The following MLLT10 variants were observed in gnomAD, a reference collection of about 807,000 sequenced individuals.
MLLT10 encodes the protein protein AF-10.
Under a neutral mutation model 129.1 loss-of-function variants are expected in MLLT10, and 30 were observed. The observed-to-expected ratio is 0.23, with a 90% CI of 0.17 to 0.32. MLLT10 has a LOEUF of 0.32. MLLT10 is among the 10% of genes least tolerant of loss of function. MLLT10 has a pLI of 1.00. For missense variants in MLLT10, 1,119 were observed against 1,268.3 expected, an observed-to-expected ratio of 0.88 and a Z score of 1.79; for synonymous variants, 490 against 446.4, an observed-to-expected ratio of 1.10 and a Z score of -1.23.
At position 21,641,021 on chromosome 10, in the gene MLLT10, G is replaced by A. The variant is rs1589384562; in HGVS notation, c.700-10652G>A. Among the ~76,000 whole-genome samples, 5 of 152,226 alleles carry A rather than the reference G, an allele frequency of 3.3e-5. 1 individual carries two copies. Among genetic ancestry groups the A allele is most frequent in the Admixed American group, 1.3e-4 (2 of 15,288 alleles). ...GAATCAGTGTGGATACTAGAAATTT[G>A]GGGCTATTAAGGACCAGGCCTAGAG... On this transcript the variant is annotated intron_variant, in intron 8 of 22. Coordinates refer to ENST00000307729, the MANE Select transcript of MLLT10 (RefSeq NM_001195626.3).
chr10:21,539,861 C>G (rs1263023182), intron 3 of MLLT10, among the ~76,000 whole-genome samples: 1 of 151,922 alleles, frequency 6.6e-6, no homozygotes, highest in Non-Finnish European at 1.5e-5. Context: ...AGGAGAATGG[C>G]GTGAACCTGG....
At chr10:21,612,515 G>A in intron 6 of MLLT10, 64 bp downstream of exon 6, 1 of 970,160 alleles carries the variant, frequency 1.0e-6, no homozygotes, top group East Asian at 2.6e-5. Flanking sequence ...ACAATCATAA[G>A]TTAAAGACTT....
At chr10:21,638,939 C>T (rs1212564521) in intron 8 of MLLT10, among the ~76,000 whole-genome samples, 4 of 152,156 alleles carry the variant, frequency 2.6e-5, no homozygotes, top group African/African-American at 9.7e-5. Flanking sequence ...GCTTAGCCTA[C>T]AGCCACCTCT....
At chr10:21,637,134 T>C (rs974572973) in intron 8 of MLLT10, among the ~76,000 whole-genome samples, 15 of 152,190 alleles carry the variant, frequency 9.9e-5, no homozygotes, top group African/African-American at 2.7e-4. Flanking sequence ...GGAGGCTTTT[T>C]TGCCAGAGGA....
intron 3 of MLLT10, among the ~76,000 whole-genome samples, chr10:21,565,498 G>A (rs1443992669): frequency 4.6e-5 from 7 of 151,812 alleles, no homozygotes; most frequent in African/African-American, 9.7e-5. Context: ...TAGTAGAGAC[G>A]GGGTTTCACT....
At chr10:21,564,219 G>C (rs576054350) in intron 3 of MLLT10, among the ~76,000 whole-genome samples, 1 of 152,244 alleles carries the variant, frequency 6.6e-6, no homozygotes, top group African/African-American at 2.4e-5. Flanking sequence ...GCGTAGCTGG[G>C]ACTATGGGTG....
intron 2 of MLLT10, among the ~76,000 whole-genome samples, chr10:21,535,848 A>C (rs924216072): frequency 6.6e-6 from 1 of 152,250 alleles, no homozygotes; most frequent in Admixed American, 6.5e-5. Context: ...CGAATGTCAC[A>C]CTTGGAAAGG....
At chr10:21,557,269 T>C in intron 3 of MLLT10, 2 of 828,576 alleles carry the variant, frequency 2.4e-6, no homozygotes, top group Non-Finnish European at 3.1e-6. Context: ...TTATGAAATC[T>C]GTATTTGATA....
At chr10:21,710,884 A>G (rs1023088647) in intron 13 of MLLT10, among the ~76,000 whole-genome samples, 1 of 152,234 alleles carries the variant, frequency 6.6e-6, no homozygotes, top group Non-Finnish European at 1.5e-5. Flanking sequence ...CAGTAACCAA[A>G]CACTGCTTTC....
chr10:21,710,428 A>C (rs2055965336), intron 13 of MLLT10, among the ~76,000 whole-genome samples: 1 of 152,204 alleles, frequency 6.6e-6, no homozygotes, highest in Non-Finnish European at 1.5e-5. Flanking sequence ...TTTTCAAGAG[A>C]TATTAGGCAT....
chr10:21,593,760 C>T (rs2042733300), intron 4 of MLLT10, among the ~76,000 whole-genome samples: 1 of 151,446 alleles, frequency 6.6e-6, no homozygotes, highest in Non-Finnish European at 1.5e-5. Context: ...AACATGGTCT[C>T]TACTAAAAAT....
rs143172883 is a variant in MLLT10 at position 21,714,528 on chromosome 10, A to G, written c.1878+578A>G. Among the ~76,000 whole-genome samples, 60 of 152,182 alleles carry G rather than the reference A, an allele frequency of 3.9e-4. No individual in the cohort carries two copies. In the East Asian group the frequency reaches 0.011, roughly 28 times the overall value. ...TGTAGTTTGATAGGTGACCTAGTCT[A>G]TAGGATTTTTTTGTTTTTGTTTGAG... is the stretch of plus-strand genomic sequence containing the variant. On this transcript the variant is annotated intron_variant, in intron 14 of 22. Coordinates refer to ENST00000307729, the MANE Select transcript of MLLT10 (RefSeq NM_001195626.3).
chr10:21,692,870 T>C (rs535621862), intron 13 of MLLT10, among the ~76,000 whole-genome samples: 3 of 152,324 alleles, frequency 2.0e-5, no homozygotes, highest in African/African-American at 2.4e-5. Context: ...GCCATTCTTT[T>C]ATGTTTTTAT....
intron 3 of MLLT10, among the ~76,000 whole-genome samples, chr10:21,554,416 T>C (rs1336458470): frequency 6.6e-6 from 1 of 152,046 alleles, no homozygotes; most frequent in African/African-American, 2.4e-5. Flanking sequence ...AGAGTTGGGA[T>C]TATGGGCGTG....
rs774636255 is a variant in MLLT10 at position 21,620,407 on chromosome 10, C to CAA, written c.699+3200_699+3201insAA. 2.6e-5 allele frequency among the ~76,000 whole-genome samples: 4 copies of CAA among 152,250 alleles called. No individual in the cohort carries two copies. The East Asian group carries it at 7.7e-4, about 29-fold the overall frequency. ...TTTAGACTGTACACTGGTATGAAAACTATGCATTTATTGTGCTTCTAGATT... is the reference window on the plus strand; with the variant it reads ...TTTAGACTGTACACTGGTATGAAAACAATATGCATTTATTGTGCTTCTAGATT... On this transcript the variant is annotated intron_variant, in intron 8 of 22. Transcript: ENST00000307729.
intron 14 of MLLT10, among the ~76,000 whole-genome samples, chr10:21,715,014 C>G (rs1456844318): frequency 6.6e-6 from 1 of 151,534 alleles, no homozygotes; most frequent in Non-Finnish European, 1.5e-5. Flanking sequence ...ATTTTCATTT[C>G]TCCAAAGCTC....
intron 5 of MLLT10, among the ~76,000 whole-genome samples, chr10:21,598,530 G>A (rs1430543100): frequency 1.3e-5 from 2 of 152,178 alleles, no homozygotes; most frequent in African/African-American, 2.4e-5. Flanking sequence ...TTGTGTGTGT[G>A]TGTATTCCTA....
At chr10:21,619,029 TACACACACACACACACAC>T (rs66469025) in intron 8 of MLLT10, among the ~76,000 whole-genome samples, 22 of 143,886 alleles carry the variant, frequency 1.5e-4, no homozygotes, top group African/African-American at 5.2e-4. Flanking sequence ...CCTGGTGACA[TACACACACACACACACAC>T]ACACACACAC....
chr10:21,743,125 G>C lies in MLLT10; in HGVS notation c.*1142G>C, dbSNP rs11012782. On this transcript the variant is annotated 3_prime_UTR_variant, in exon 23 of 23. Transcript: ENST00000307729. Reference sequence around the variant, plus strand: ...ACGCTTTTGATGTGACAGTACCGCAGAGTGATTCCCCCACTGAGGATGTCA... The same window carrying C: ...ACGCTTTTGATGTGACAGTACCGCACAGTGATTCCCCCACTGAGGATGTCA... The C allele has an allele frequency of 1.3e-5, 3 of 230,632 alleles. No homozygotes were observed. The highest frequency in any genetic ancestry group is 1.3e-3 in the Middle Eastern group (1 of 790). The allele number at this position is 230,632 out of a possible 1,614,324, so 14.3% of individuals were successfully genotyped here.
Sources: allele counts gnomAD v4.1 joint callset (sites outside exome capture counted in the v4.1 genomes callset), GRCh38; gene constraint gnomAD v4.1.1; transcripts MANE v1.5; gene names NCBI Gene and HGNC (gene_info 2026-07-23, HGNC 2026-07-21).